Variants in DTNA observed in about 807,000 individuals in gnomAD.
DTNA encodes the protein dystrobrevin alpha.
DTNA carries 43 observed loss-of-function variants against 100.7 expected under a neutral mutation model. That is an observed-to-expected ratio of 0.43 (90% CI 0.33 to 0.55). The LOEUF (loss-of-function observed/expected upper bound fraction) is 0.55. Ranked by LOEUF, DTNA falls within the 20% of genes least tolerant of loss-of-function variation. The pLI is 0.04. For missense variants in DTNA, 798 were observed against 953.9 expected, an observed-to-expected ratio of 0.84 and a Z score of 2.15; for synonymous variants, 349 against 347.9, an observed-to-expected ratio of 1.00 and a Z score of -0.04.
intron 17 of DTNA, among the ~76,000 whole-genome samples, chr18:34,871,327 T>G (rs1338203193): frequency 6.6e-6 from 1 of 152,196 alleles, no homozygotes; most frequent in Non-Finnish European, 1.5e-5. Flanking sequence ...GCAAGTTGAG[T>G]AGACTTGGAG....
intron 1 of DTNA, among the ~76,000 whole-genome samples, chr18:34,500,756 G>A (rs553695151): frequency 4.6e-5 from 7 of 151,958 alleles, no homozygotes; most frequent in South Asian, 2.1e-4. Flanking sequence ...GAGCCACCAC[G>A]CCCGGCCAGT....
chr18:34,862,672 T>G (rs895877596), intron 16 of DTNA, among the ~76,000 whole-genome samples: 42 of 152,066 alleles, frequency 2.8e-4, no homozygotes, highest in Admixed American at 1.0e-3. Flanking sequence ...TGGTGGCACA[T>G]GCCTGTAGTA....
At chr18:34,631,404 G>C (rs1346447592) in intron 1 of DTNA, among the ~76,000 whole-genome samples, 1 of 152,092 alleles carries the variant, frequency 6.6e-6, no homozygotes, top group East Asian at 1.9e-4. Context: ...AACTCAATGA[G>C]GAGACATGAT....
At chr18:34,602,745 C>G (rs1357927765) in intron 1 of DTNA, among the ~76,000 whole-genome samples, 1 of 151,864 alleles carries the variant, frequency 6.6e-6, no homozygotes, top group Non-Finnish European at 1.5e-5. Flanking sequence ...GGCGTGGTGG[C>G]TCATACCTGT....
intron 1 of DTNA, among the ~76,000 whole-genome samples, chr18:34,555,965 T>A (rs1302895706): frequency 6.7e-6 from 1 of 150,094 alleles, no homozygotes; most frequent in Non-Finnish European, 1.5e-5. Flanking sequence ...ATGTTGACAG[T>A]GGGGTGTTAA....
chr18:34,517,365 A>G (rs58666193), intron 1 of DTNA, among the ~76,000 whole-genome samples: 7,973 of 152,206 alleles, frequency 0.052, 684 homozygotes, highest in African/African-American at 0.18. Context: ...ACCCAATGGT[A>G]ACAGCTTGCA....
chr18:34,623,833 T>C (rs566991495), intron 1 of DTNA, among the ~76,000 whole-genome samples: 5 of 152,362 alleles, frequency 3.3e-5, no homozygotes, highest in African/African-American at 1.2e-4. Flanking sequence ...AGTGTTGTTC[T>C]CTGAAAGCTG....
At chr18:34,884,455 T>C (rs2096903185) in intron 21 of DTNA, among the ~76,000 whole-genome samples, 1 of 152,174 alleles carries the variant, frequency 6.6e-6, no homozygotes, top group South Asian at 2.1e-4. Context: ...CCTCATGACT[T>C]CCAAGAAAAG....
chr18:34,621,179 TATATA>T (rs1395036847), intron 1 of DTNA, among the ~76,000 whole-genome samples: 2 of 148,418 alleles, frequency 1.3e-5, no homozygotes, highest in Non-Finnish European at 3.0e-5. Flanking sequence ...ATATATATTA[TATATA>T]ATATGTGTAT....
At chr18:34,785,989 G>A (rs1303473087) in intron 3 of DTNA, among the ~76,000 whole-genome samples, 1 of 152,154 alleles carries the variant, frequency 6.6e-6, no homozygotes, top group African/African-American at 2.4e-5. Flanking sequence ...GGAACCTAGT[G>A]TCACTCCTGA....
chr18:34,673,260 A>G lies in DTNA; in HGVS notation c.-1-82716A>G, dbSNP rs116269362. Among the ~76,000 whole-genome samples the G allele has an allele frequency of 7.4e-3, 1,124 of 151,938 alleles. 16 individuals are homozygous for G. The highest frequency in any genetic ancestry group is 0.026 in the African/African-American group (1,087 of 41,444). On this transcript the variant is annotated intron_variant, in intron 1 of 19. Transcript: ENST00000283365. ...ACCACCACGCCCAGCTATTTTTTGT[A>G]TTATTAGTATTATTATTATTATTTT...
Position 34,528,965 on chromosome 18 carries a change from A to G in DTNA, c.-2+35451A>G, listed in dbSNP as rs192215225. Among the ~76,000 whole-genome samples the G allele has an allele frequency of 1.7e-3, 263 of 152,186 alleles. 8 individuals carry two copies. Among genetic ancestry groups the G allele is most frequent in the Admixed American group, 0.015 (233 of 15,266 alleles). ...ATTTTTTCTGATCTCCCTTATAAGT[A>G]TGGGTGACAGTGCAACTCAGGCATA... On this transcript the variant is annotated intron_variant, in intron 1 of 19. Coordinates refer to the DTNA transcript ENST00000283365.
intron 1 of DTNA, among the ~76,000 whole-genome samples, chr18:34,612,829 C>A (rs2054503452): frequency 6.6e-6 from 1 of 152,188 alleles, no homozygotes; most frequent in Non-Finnish European, 1.5e-5. Context: ...AGATACTATA[C>A]TCATTAGAAT....
At chr18:34,537,975 T>G (rs1346451081) in intron 1 of DTNA, among the ~76,000 whole-genome samples, 1 of 151,954 alleles carries the variant, frequency 6.6e-6, no homozygotes, top group Non-Finnish European at 1.5e-5. Flanking sequence ...AAAGGCAACG[T>G]GAAGCAACAT....
At chr18:34,675,140 T>G (rs892695149) in intron 1 of DTNA, among the ~76,000 whole-genome samples, 3 of 152,142 alleles carry the variant, frequency 2.0e-5, no homozygotes, top group African/African-American at 7.2e-5. Flanking sequence ...CATTTTGGAC[T>G]ATTCATTATT....
At position 34,794,094 on chromosome 18, in the gene DTNA, A is replaced by C. The variant is rs148805060; in HGVS notation, c.206A>C (p.Asn69Thr). Residue 69 changes from asparagine (N) to threonine (T), a missense_variant, in exon 4 of 23, where the codon AAC becomes ACC. Physicochemically the swap from Asn to Thr is moderately conservative, Grantham distance 65 (BLOSUM62 0). Coordinates refer to ENST00000444659, the MANE Select transcript of DTNA (RefSeq NM_001386795.1). ...IEALRENALN[N>T]LDPNTELNVS... is the part of the protein sequence containing the mutation. ...GCATTGCGGGAAAATGCTCTGAACAACCTGGACCCAAACACTGAACTCAAC... is the reference window on the plus strand; with the variant it reads ...GCATTGCGGGAAAATGCTCTGAACACCCTGGACCCAAACACTGAACTCAAC... 16 of 1,614,010 alleles carry C rather than the reference A, an allele frequency of 9.9e-6. No homozygotes were observed. The highest frequency in any genetic ancestry group is 1.4e-5 in the Non-Finnish European group (16 of 1,180,020).
chr18:34,828,907 G>T, intron 10 of DTNA: 1 of 985,358 alleles, frequency 1.0e-6, no homozygotes, highest in Non-Finnish European at 1.6e-6. Flanking sequence ...AAAGACACAG[G>T]TCTGTGCATC....
intron 17 of DTNA, chr18:34,865,977 C>T (rs1349775806): frequency 4.3e-6 from 4 of 931,458 alleles, no homozygotes; most frequent in Admixed American, 1.7e-5. Context: ...GTGATAGTCA[C>T]TGAGGTGGCA....
chr18:34,620,147 A>G (rs973361482), intron 1 of DTNA, among the ~76,000 whole-genome samples: 12 of 152,182 alleles, frequency 7.9e-5, no homozygotes, highest in African/African-American at 2.9e-4. Flanking sequence ...GAACAGGTTC[A>G]GTGTAGTGGT....
Sources: allele counts gnomAD v4.1 joint callset (sites outside exome capture counted in the v4.1 genomes callset), GRCh38; gene constraint gnomAD v4.1.1; transcripts MANE v1.5; gene names NCBI Gene and HGNC (gene_info 2026-07-23, HGNC 2026-07-21).